Variants in ASPH observed in about 807,000 individuals in gnomAD.
The protein encoded by ASPH is aspartate beta-hydroxylase, also known as aspartyl/asparaginyl beta-hydroxylase.
In ASPH, 100 loss-of-function variants were observed where a neutral mutation model predicts 118.4. That is an observed-to-expected ratio of 0.84 (90% CI 0.72 to 1.00). The LOEUF (loss-of-function observed/expected upper bound fraction) is 1.00, where lower values mean the gene tolerates loss of function less well. ASPH is among the 50% of genes least tolerant of loss of function. ASPH has a pLI of 0.00. For missense variants in ASPH, 920 were observed against 919.5 expected (o/e 1.00, Z -0.01); for synonymous variants, 315 against 325.6 (o/e 0.97, Z 0.35).
intron 3 of ASPH, chr8:61,664,154 C>A (rs1232197762): frequency 8.3e-6 from 8 of 965,114 alleles, no homozygotes; most frequent in Non-Finnish European, 9.9e-6. Flanking sequence ...CAGAATAGTA[C>A]AAACCATTTG....
At chr8:61,683,808 A>G (rs1171621359) in intron 2 of ASPH, 2 of 409,902 alleles carry the variant, frequency 4.9e-6, no homozygotes, top group Non-Finnish European at 8.7e-6. Flanking sequence ...TGTGTGACAG[A>G]CATACAATAT....
At chr8:61,554,732 T>C (rs549157727) in intron 19 of ASPH, among the ~76,000 whole-genome samples, 16 of 152,230 alleles carry the variant, frequency 1.1e-4, no homozygotes, top group Non-Finnish European at 1.9e-4. Flanking sequence ...TTGTTTGTTT[T>C]TTTAATATTA....
At chr8:61,613,151 T>C (rs1847985401) in intron 14 of ASPH, among the ~76,000 whole-genome samples, 1 of 152,242 alleles carries the variant, frequency 6.6e-6, no homozygotes, top group South Asian at 2.1e-4. Flanking sequence ...TGTCTGGATG[T>C]TGCTGAGAAG....
intron 15 of ASPH, chr8:61,579,269 C>T (rs551098053): frequency 2.1e-4 from 339 of 1,614,130 alleles, no homozygotes; most frequent in African/African-American, 1.2e-3. Context: ...AGGATGCCAA[C>T]GCCAAGTTGT....
At chr8:61,684,415 AT>A in intron 1 of ASPH, 1 of 469,318 alleles carries the variant, frequency 2.1e-6, no homozygotes, top group Admixed American at 3.6e-5. Context: ...AAACTCCTGA[AT>A]TTTTTTAAAG....
In ASPH at chr8:61,562,741, T is replaced by G; in HGVS notation, c.1437+3A>C. The G allele has an allele frequency of 1.2e-6, 2 of 1,605,344 alleles. No individual in the cohort carries two copies. Among genetic ancestry groups the G allele is most frequent in the Non-Finnish European group, 1.7e-6 (2 of 1,176,986 alleles). On this transcript the variant is annotated splice_donor_region_variant and intron_variant, in intron 18 of 24. Coordinates refer to ENST00000379454, the MANE Select transcript of ASPH (RefSeq NM_004318.4). ...ACGTAGTTAATACAAGATTGATGCT[T>G]ACCTCTTCATAAACTTTCTTTGCAT...
intron 24 of ASPH, among the ~76,000 whole-genome samples, chr8:61,510,627 T>C (rs779301115): frequency 2.0e-5 from 3 of 152,204 alleles, no homozygotes; most frequent in Non-Finnish European, 4.4e-5. Context: ...GAAATGTATG[T>C]GTGCACTTTC....
At chr8:61,559,552 A>G (rs1453877504) in intron 18 of ASPH, among the ~76,000 whole-genome samples, 1 of 152,198 alleles carries the variant, frequency 6.6e-6, no homozygotes, top group African/African-American at 2.4e-5. Context: ...CCCCAGTACA[A>G]ACTCTTTGCG....
At chr8:61,613,064 C>T (rs954896747) in intron 14 of ASPH, among the ~76,000 whole-genome samples, 1 of 152,170 alleles carries the variant, frequency 6.6e-6, no homozygotes, top group Non-Finnish European at 1.5e-5. Flanking sequence ...TATGGTTAAG[C>T]ACCACTAGAA....
At chr8:61,518,361 A>T (rs139066343) in intron 22 of ASPH, among the ~76,000 whole-genome samples, 2,206 of 152,178 alleles carry the variant, frequency 0.014, 23 homozygotes, top group Middle Eastern at 0.031. Flanking sequence ...CAAATTCTTC[A>T]CTCGGTGTTG....
At chr8:61,632,616 C>G (rs1157352967) in intron 13 of ASPH, 1 of 475,940 alleles carries the variant, frequency 2.1e-6, no homozygotes, top group Non-Finnish European at 4.1e-6. Flanking sequence ...GACTGCTTTT[C>G]TCATTCATAT....
intron 13 of ASPH, among the ~76,000 whole-genome samples, chr8:61,629,325 G>A (rs775921001): frequency 2.0e-5 from 3 of 152,172 alleles, no homozygotes; most frequent in Non-Finnish European, 2.9e-5. Flanking sequence ...TTGTTTGAGA[G>A]GAAATTTTAC....
chr8:61,662,179 T>C (rs899761870), intron 3 of ASPH, among the ~76,000 whole-genome samples: 1 of 152,174 alleles, frequency 6.6e-6, no homozygotes, highest in African/African-American at 2.4e-5. Context: ...AAATTGACTA[T>C]CTCTTAACAA....
At position 61,503,025 on chromosome 8, in the gene ASPH, C is replaced by A; in HGVS notation, c.*334G>T. 5.3e-6 allele frequency: 1 copy of A among 187,292 alleles called. No individual in the cohort carries two copies. Among genetic ancestry groups the A allele is most frequent in the Non-Finnish European group, 1.1e-5 (1 of 91,760 alleles). The allele number at this position is 187,292 out of a possible 1,614,324, so 11.6% of individuals were successfully genotyped here. On this transcript the variant is annotated 3_prime_UTR_variant, in exon 25 of 25. Coordinates refer to ENST00000379454, the MANE Select transcript of ASPH (RefSeq NM_004318.4). The stretch of plus-strand genomic sequence containing the variant: ...TAAAGCAATCCATTCACAGTTTCTA[C>A]ATATGTTCTCATTATACATTGAATT...
At chr8:61,647,481 G>T (rs1387492435) in intron 5 of ASPH, among the ~76,000 whole-genome samples, 3 of 151,996 alleles carry the variant, frequency 2.0e-5, no homozygotes, top group Non-Finnish European at 4.4e-5. Context: ...GACCAGCCTG[G>T]CCAACATGGT....
At chr8:61,536,996 T>C (rs1488129081) in intron 21 of ASPH, among the ~76,000 whole-genome samples, 2 of 152,188 alleles carry the variant, frequency 1.3e-5, no homozygotes, top group Non-Finnish European at 2.9e-5. Context: ...CTTTTGCTCG[T>C]TCTAGTGAGT....
chr8:61,522,667 T>C (rs980704545), intron 22 of ASPH, among the ~76,000 whole-genome samples: 1 of 152,148 alleles, frequency 6.6e-6, no homozygotes, highest in Non-Finnish European at 1.5e-5. Context: ...ACTTATTCTC[T>C]CTCCTGCTGT....
intron 21 of ASPH, 40 bp from the exon 22 acceptor site, chr8:61,526,152 C>T (rs374793419): frequency 8.7e-6 from 14 of 1,611,250 alleles, no homozygotes; most frequent in Non-Finnish European, 1.2e-5. Flanking sequence ...TGAAAAAGGG[C>T]CTGGTGGAGC....
chr8:61,689,782 G>GC lies in ASPH; in HGVS notation c.104-5595dup, dbSNP rs1832080166. ...ACTGCTGGCAGGTTTTAGGCACACT[G>GC]CATGCACTTGCCTACCAGAGCTTGA... On this transcript the variant is annotated intron_variant, in intron 1 of 24. Coordinates refer to ENST00000379454, the MANE Select transcript of ASPH (RefSeq NM_004318.4). 1.5e-5 allele frequency: 22 copies of GC among 1,504,660 alleles called. 1 individual carries two copies. The South Asian group carries it at 2.5e-4, about 17-fold the overall frequency. 93.2% of individuals were successfully genotyped at this position (1,504,660 alleles called of 1,614,324 possible). A position where few individuals can be genotyped will look rare whatever the true frequency, so the allele number is the denominator to read the frequency against.
Sources: allele counts gnomAD v4.1 joint callset (sites outside exome capture counted in the v4.1 genomes callset), GRCh38; gene constraint gnomAD v4.1.1; transcripts MANE v1.5; gene names NCBI Gene and HGNC (gene_info 2026-07-23, HGNC 2026-07-21).